The following NTM variants were observed in gnomAD, a reference collection of about 807,000 sequenced individuals.
NTM encodes IgLON family member 2.
In NTM, 13 loss-of-function variants were observed where a neutral mutation model predicts 42.1. That is an observed-to-expected ratio of 0.31 (90% CI 0.20 to 0.49). NTM has a LOEUF of 0.49. Among genes scored for constraint, NTM ranks in the 20% least tolerant of loss-of-function variants. The pLI, the probability that NTM is intolerant of heterozygous loss-of-function variation, is 0.99. For synonymous variants in NTM, 187 were observed against 179.2 expected, an observed-to-expected ratio of 1.04 and a Z score of -0.35; for missense variants, 373 against 452.8, an observed-to-expected ratio of 0.82 and a Z score of 1.60.
At chr11:131,561,169 C>T (rs947817850) in intron 1 of NTM, among the ~76,000 whole-genome samples, 3 of 152,200 alleles carry the variant, frequency 2.0e-5, no homozygotes, top group Non-Finnish European at 2.9e-5. Flanking sequence ...CGCTTCCATT[C>T]ACTGGGCCCC....
At chr11:132,053,359 A>G (rs953541374) in intron 2 of NTM, among the ~76,000 whole-genome samples, 2 of 152,246 alleles carry the variant, frequency 1.3e-5, no homozygotes, top group South Asian at 4.1e-4. Flanking sequence ...GAGGTCACCC[A>G]TAGATGAAGA....
intron 1 of NTM, among the ~76,000 whole-genome samples, chr11:131,741,492 T>C (rs1164502038): frequency 2.0e-5 from 3 of 152,238 alleles, no homozygotes; most frequent in Non-Finnish European, 2.9e-5. Context: ...ACTGCAGTGA[T>C]ATGCCTTCTT....
chr11:132,022,885 T>C (rs895827771), intron 2 of NTM, among the ~76,000 whole-genome samples: 19 of 152,222 alleles, frequency 1.2e-4, no homozygotes, highest in African/African-American at 4.6e-4. Flanking sequence ...CAACATGTGA[T>C]AAAAATGCTC....
At chr11:131,461,913 A>G (rs1951420380) in intron 1 of NTM, among the ~76,000 whole-genome samples, 1 of 152,246 alleles carries the variant, frequency 6.6e-6, no homozygotes, top group South Asian at 2.1e-4. Flanking sequence ...TTTATCTGAA[A>G]TCCCAGCAAG....
intron 4 of NTM, among the ~76,000 whole-genome samples, chr11:132,254,811 G>A (rs2092333191): frequency 6.6e-6 from 1 of 152,148 alleles, no homozygotes; most frequent in Admixed American, 6.5e-5. Context: ...GGATTCTCCA[G>A]CCTGGGGTTC....
chr11:131,789,636 A>AGAAGAAGAAGAAGAAAAG (rs1555127949), intron 1 of NTM, among the ~76,000 whole-genome samples: 2 of 30,900 alleles, frequency 6.5e-5, no homozygotes, highest in Non-Finnish European at 1.5e-4. Flanking sequence ...AAGAAGAAGA[A>AGAAGAAGAAGAAGAAAAG]AAGAAGAAGA....
chr11:132,255,033 G>T (rs2092362126), intron 4 of NTM, among the ~76,000 whole-genome samples: 1 of 152,222 alleles, frequency 6.6e-6, no homozygotes, highest in African/African-American at 2.4e-5. Flanking sequence ...CACAGCCCTA[G>T]CCCACAGCCT....
intron 1 of NTM, among the ~76,000 whole-genome samples, chr11:131,700,912 G>C (rs141797512): frequency 1.4e-3 from 218 of 152,260 alleles, no homozygotes; most frequent in African/African-American, 4.7e-3. Flanking sequence ...TTTGTCTCTG[G>C]AGTCAGACAG....
At chr11:131,886,801 C>T (rs67037181) in intron 1 of NTM, among the ~76,000 whole-genome samples, 2,944 of 152,250 alleles carry the variant, frequency 0.019, 94 homozygotes, top group African/African-American at 0.066. Flanking sequence ...GAGGAAGGGA[C>T]GCTGTGTCTC....
intron 1 of NTM, among the ~76,000 whole-genome samples, chr11:131,656,930 C>T (rs1461521438): frequency 6.6e-6 from 1 of 152,026 alleles, no homozygotes; most frequent in Non-Finnish European, 1.5e-5. Flanking sequence ...GTCATCTGTG[C>T]TCCGTGAGCC....
intron 1 of NTM, among the ~76,000 whole-genome samples, chr11:131,833,491 C>A (rs1031661451): frequency 3.3e-5 from 5 of 152,146 alleles, no homozygotes; most frequent in Non-Finnish European, 7.3e-5. Context: ...GGTCACACAG[C>A]CAGTAAGTGA....
chr11:131,693,135 G>C (rs1390358386), intron 1 of NTM, among the ~76,000 whole-genome samples: 1 of 152,124 alleles, frequency 6.6e-6, no homozygotes, highest in Non-Finnish European at 1.5e-5. Flanking sequence ...TCTGGGCATG[G>C]GGGTCAGGGC....
intron 1 of NTM, among the ~76,000 whole-genome samples, chr11:131,769,319 C>G (rs1251175874): frequency 6.6e-6 from 1 of 152,078 alleles, no homozygotes; most frequent in Non-Finnish European, 1.5e-5. Flanking sequence ...TAAAATATCT[C>G]CTACTGAAGC....
At chr11:131,471,289 T>C (rs1195570070) in intron 1 of NTM, among the ~76,000 whole-genome samples, 1 of 152,238 alleles carries the variant, frequency 6.6e-6, no homozygotes, top group Non-Finnish European at 1.5e-5. Context: ...AAGGAAGTTT[T>C]CCTTGGTTAA....
At chr11:132,056,954 G>A (rs1234274115) in intron 2 of NTM, among the ~76,000 whole-genome samples, 1 of 152,162 alleles carries the variant, frequency 6.6e-6, no homozygotes, top group Non-Finnish European at 1.5e-5. Context: ...GGTTCCAGGG[G>A]CGCCGCCTGC....
intron 2 of NTM, among the ~76,000 whole-genome samples, chr11:132,143,309 A>G (rs1020090893): frequency 1.3e-5 from 2 of 152,200 alleles, no homozygotes; most frequent in Admixed American, 1.3e-4. Flanking sequence ...GCCTGGGCCT[A>G]CTGAATCAGA....
chr11:131,463,510 C>T (rs1330963738), intron 1 of NTM, among the ~76,000 whole-genome samples: 6 of 152,136 alleles, frequency 3.9e-5, no homozygotes, highest in Non-Finnish European at 8.8e-5. Context: ...AGCATATCAG[C>T]CAGGCACATG....
chr11:131,666,163 C>T (rs1347686719), intron 1 of NTM, among the ~76,000 whole-genome samples: 1 of 152,106 alleles, frequency 6.6e-6, no homozygotes, highest in African/African-American at 2.4e-5. Context: ...CTATTGAATT[C>T]CTCAACCCAT....
At chr11:131,930,334 G>T (rs1026929695) in intron 2 of NTM, among the ~76,000 whole-genome samples, 10 of 152,110 alleles carry the variant, frequency 6.6e-5, no homozygotes, top group African/African-American at 1.9e-4. Flanking sequence ...CCCTCTGGTT[G>T]GTCCTCCTTC....
Sources: gnomAD v4.1 joint callset for allele counts (sites outside exome capture counted in the v4.1 genomes callset) on GRCh38, gnomAD v4.1.1 for gene constraint, MANE v1.5 for transcripts, NCBI Gene and HGNC (gene_info 2026-07-23, HGNC 2026-07-21) for gene names.